Variants in SHPRH observed in about 807,000 individuals in gnomAD.
The protein encoded by SHPRH is SNF2 histone linker PHD RING helicase.
A neutral mutation model predicts 202.5 loss-of-function variants in SHPRH; 106 were observed. The ratio of observed to expected loss-of-function variants is 0.52; its 90% CI spans 0.45 to 0.62. The LOEUF is 0.62. Ranked by LOEUF, SHPRH falls within the 20% of genes least tolerant of loss-of-function variation. The pLI is 0.00. For missense variants in SHPRH, 1,710 were observed against 2,020.0 expected (o/e 0.85, Z 2.94); for synonymous variants, 729 against 686.0 (o/e 1.06, Z -0.98).
intron 15 of SHPRH, among the ~76,000 whole-genome samples, chr6:145,926,752 A>G (rs1252251247): frequency 3.9e-5 from 6 of 152,006 alleles, no homozygotes; most frequent in Non-Finnish European, 8.8e-5. Flanking sequence ...AAGAAGGGAA[A>G]GAGAAATAAG....
Position 145,964,157 on chromosome 6 carries a change from C to G in SHPRH, c.-459G>C, listed in dbSNP as rs1334171225. On this transcript the variant is annotated 5_prime_UTR_variant, in exon 1 of 30. Transcript: ENST00000275233. Reference sequence around the variant, plus strand: ...GACCTTCCATCACCCAAGCGCCTACCCAAGCTGGTTCTCCGAGCCTCTTGA... The same window carrying G: ...GACCTTCCATCACCCAAGCGCCTACGCAAGCTGGTTCTCCGAGCCTCTTGA... The G allele has an allele frequency of 2.0e-5, 3 of 152,442 alleles. No homozygotes were observed. Among genetic ancestry groups the G allele is most frequent in the Non-Finnish European group, 4.4e-5 (3 of 68,222 alleles). 9.4% of individuals were successfully genotyped at this position (152,442 alleles called of 1,614,324 possible).
chr6:145,924,126 T>C (rs1582706442), intron 17 of SHPRH, among the ~76,000 whole-genome samples: 1 of 151,974 alleles, frequency 6.6e-6, no homozygotes, highest in African/African-American at 2.4e-5. Flanking sequence ...GGTCTCTTTA[T>C]CAGCATAAGA....
chr6:145,924,303 G>A (rs1784681930), intron 17 of SHPRH, among the ~76,000 whole-genome samples: 1 of 151,814 alleles, frequency 6.6e-6, no homozygotes, highest in African/African-American at 2.4e-5. Context: ...GTGTATTTGT[G>A]TAACCTCTTT....
At chr6:145,940,376 C>G (rs1349857257) in intron 11 of SHPRH, among the ~76,000 whole-genome samples, 2 of 147,558 alleles carry the variant, frequency 1.4e-5, no homozygotes, top group Non-Finnish European at 3.0e-5. Context: ...CCCCACCCCC[C>G]CCACCCTTTG....
chr6:145,922,591 T>C (rs1354920745), intron 19 of SHPRH, 72 bp downstream of exon 19: 9 of 1,498,564 alleles, frequency 6.0e-6, no homozygotes, highest in African/African-American at 5.7e-5. Flanking sequence ...TATGAGTCAA[T>C]TGTTTCTTCT....
chr6:145,859,859 T>A (rs1211310640), downstream of SHPRH, among the ~76,000 whole-genome samples: 1 of 152,058 alleles, frequency 6.6e-6, no homozygotes, highest in Non-Finnish European at 1.5e-5. Context: ...ATTCTCTCTC[T>A]GTTCTTTCTG....
At chr6:145,887,529 G>GTTTTTTTTTT (rs200904161) in intron 29 of SHPRH, among the ~76,000 whole-genome samples, 2 of 130,134 alleles carry the variant, frequency 1.5e-5, no homozygotes, top group Non-Finnish European at 1.6e-5. Context: ...ACCTTAACAA[G>GTTTTTTTTTT]TTTGTTTTTT....
At chr6:145,954,649 G>A (rs1017975214) in intron 2 of SHPRH, 41 bp downstream of exon 2, 6 of 1,528,326 alleles carry the variant, frequency 3.9e-6, no homozygotes, top group Non-Finnish European at 4.4e-6. Flanking sequence ...GACTGCCAAT[G>A]TAGAAGAGCC....
Position 145,963,790 on chromosome 6 carries a change from C to G in SHPRH, c.-92G>C, listed in dbSNP as rs548196380. The G allele has an allele frequency of 2.6e-5, 4 of 152,326 alleles. No homozygotes were observed. The highest frequency in any genetic ancestry group is 9.6e-5 in the African/African-American group (4 of 41,566). The allele number at this position is 152,326 out of a possible 1,614,324, so 9.4% of individuals were successfully genotyped here. On this transcript the variant is annotated 5_prime_UTR_variant, in exon 1 of 30. Transcript: ENST00000275233. ...CGGAGTCTGAGCGGGGCTGTCAGCG[C>G]CGGATCGCTCCCAGCAGGCCGAGCA...
At chr6:145,911,309 G>C (rs1338277911) in intron 24 of SHPRH, among the ~76,000 whole-genome samples, 1 of 151,904 alleles carries the variant, frequency 6.6e-6, no homozygotes, top group African/African-American at 2.4e-5. Context: ...GCTAATTTTT[G>C]TATTTTTAGT....
intron 1 of SHPRH, among the ~76,000 whole-genome samples, chr6:145,962,437 T>A (rs1046937293): frequency 6.6e-6 from 1 of 152,248 alleles, no homozygotes; most frequent in Non-Finnish European, 1.5e-5. Context: ...ATCCACATTC[T>A]AGAAGACTAT....
At chr6:145,959,236 CCTGA>C (rs1396771411) in intron 1 of SHPRH, among the ~76,000 whole-genome samples, 5 of 152,160 alleles carry the variant, frequency 3.3e-5, no homozygotes, top group Non-Finnish European at 7.4e-5. Flanking sequence ...ACATTCACTC[CCTGA>C]CTAACCCAGA....
At chr6:145,901,462 G>A (rs967131225) in intron 25 of SHPRH, among the ~76,000 whole-genome samples, 14 of 152,052 alleles carry the variant, frequency 9.2e-5, no homozygotes, top group African/African-American at 3.4e-4. Context: ...AAGGGAATGG[G>A]TTACATATAG....
chr6:145,919,282 T>G lies in SHPRH; in HGVS notation c.4152+66A>C. ...CTCAGTGCCCTGATTCTGCCTTTTC[T>G]ATGGGTCTTAGATATCTGTGACATC... On this transcript the variant is annotated intron_variant, in intron 22 of 29. Coordinates refer to ENST00000275233, the MANE Select transcript of SHPRH (RefSeq NM_001042683.3). 2.5e-6 allele frequency: 4 copies of G among 1,591,936 alleles called. No homozygotes were observed. The South Asian group carries it at 4.5e-5, about 18-fold the overall frequency.
At chr6:145,958,076 T>A (rs1788688994) in intron 1 of SHPRH, among the ~76,000 whole-genome samples, 1 of 152,172 alleles carries the variant, frequency 6.6e-6, no homozygotes. Flanking sequence ...GACTATATAC[T>A]ATATGATTCC....
chr6:145,893,534 C>T (rs1781748699), intron 27 of SHPRH, 141 bp from the exon 28 acceptor site: 2 of 727,646 alleles, frequency 2.7e-6, no homozygotes, highest in South Asian at 6.4e-5. Flanking sequence ...GCAAAATTAC[C>T]AACTTTAGAA....
intron 12 of SHPRH, 47 bp downstream of exon 12, chr6:145,935,231 T>C (rs1175594144): frequency 1.2e-6 from 2 of 1,602,106 alleles, no homozygotes; most frequent in Non-Finnish European, 1.7e-6. Context: ...CCCAATTGTT[T>C]CTTTTCTCTT....
At chr6:145,922,384 C>T in intron 19 of SHPRH, 36 bp from the exon 20 acceptor site, 1 of 1,540,872 alleles carries the variant, frequency 6.5e-7, no homozygotes, top group Non-Finnish European at 8.7e-7. Context: ...TATTCACAAA[C>T]ATAACCAGCA....
At chr6:145,938,217 C>T (rs1786331820) in intron 11 of SHPRH, among the ~76,000 whole-genome samples, 1 of 152,038 alleles carries the variant, frequency 6.6e-6, no homozygotes, top group East Asian at 1.9e-4. Flanking sequence ...ATTGCAGGAG[C>T]GGGTTAGTTA....
Sources: allele counts gnomAD v4.1 joint callset (sites outside exome capture counted in the v4.1 genomes callset), GRCh38; gene constraint gnomAD v4.1.1; transcripts MANE v1.5; gene names NCBI Gene and HGNC (gene_info 2026-07-23, HGNC 2026-07-21).